NLRP5: variants seen among roughly 807,000 people sequenced by gnomAD.
NLRP5 encodes the protein NLR family pyrin domain containing 5.
NLRP5 carries 93 observed loss-of-function variants against 113.1 expected under a neutral mutation model. The ratio of observed to expected loss-of-function variants is 0.82; its 90% confidence interval spans 0.70 to 0.98. The LOEUF (loss-of-function observed/expected upper bound fraction) is 0.98, where lower values mean the gene tolerates loss of function less well. NLRP5 is among the 50% of genes least tolerant of loss of function. The pLI is 0.00. For missense variants in NLRP5, 1,808 were observed against 1,514.3 expected, an observed-to-expected ratio of 1.19 and a Z score of -3.22; for synonymous variants, 751 against 600.7, an observed-to-expected ratio of 1.25 and a Z score of -3.66.
the NLRP5 span, among the ~76,000 whole-genome samples, chr19:55,987,199 A>G: frequency 6.6e-6 from 1 of 151,968 alleles, no homozygotes; most frequent in African/African-American, 2.4e-5. Context: ...TGAAATCCTC[A>G]TCTCTAATAA....
At chr19:56,006,804 A>G (rs192894112) in intron 2 of NLRP5, among the ~76,000 whole-genome samples, 10 of 151,734 alleles carry the variant, frequency 6.6e-5, no homozygotes, top group Admixed American at 1.3e-4. Flanking sequence ...CAGTGGCGCA[A>G]TCTCGGCTCA....
intron 14 of NLRP5, among the ~76,000 whole-genome samples, chr19:56,060,760 A>G (rs764240694): frequency 6.6e-6 from 1 of 152,080 alleles, no homozygotes; most frequent in East Asian, 1.9e-4. Context: ...TATAGGGAAC[A>G]TGCTACTGTT....
At chr19:56,025,386 T>TTCTCTCTCTCTC (rs3055366) in intron 6 of NLRP5, among the ~76,000 whole-genome samples, 25 of 146,564 alleles carry the variant, frequency 1.7e-4, no homozygotes, top group African/African-American at 5.0e-4. Context: ...ACGTGCTCCG[T>TTCTCTCTCTCTC]TCTCTCTCTC....
chr19:55,988,130 C>T, the NLRP5 span: 8 of 431,064 alleles, frequency 1.9e-5, no homozygotes, highest in Non-Finnish European at 2.1e-5. Context: ...TGGTGGCTCA[C>T]GCCTGTAACC....
chr19:56,055,674 T>C (rs549046837), intron 13 of NLRP5, among the ~76,000 whole-genome samples: 1 of 150,428 alleles, frequency 6.6e-6, no homozygotes, highest in South Asian at 2.1e-4. Flanking sequence ...GCCTCCCAAG[T>C]AGCTGGGACT....
chr19:55,995,042 A>G (rs2123252548), upstream of NLRP5, among the ~76,000 whole-genome samples: 1 of 152,296 alleles, frequency 6.6e-6, no homozygotes, highest in African/African-American at 2.4e-5. Flanking sequence ...GAGTTGGATG[A>G]GTTCATGCTC....
chr19:56,024,712 C>G (rs182906593), intron 6 of NLRP5, among the ~76,000 whole-genome samples: 342 of 151,508 alleles, frequency 2.3e-3, no homozygotes, highest in African/African-American at 8.0e-3. Context: ...GAGCCAAGAT[C>G]ACGCTGCTGC....
At chr19:56,006,878 T>C (rs1465472202) in intron 2 of NLRP5, among the ~76,000 whole-genome samples, 1 of 151,542 alleles carries the variant, frequency 6.6e-6, no homozygotes, top group Non-Finnish European at 1.5e-5. Context: ...TAGCTGAGAC[T>C]ACAGGTGCCC....
intron 11 of NLRP5, among the ~76,000 whole-genome samples, chr19:56,046,939 G>T (rs1396042965): frequency 6.6e-6 from 1 of 152,150 alleles, no homozygotes; most frequent in African/African-American, 2.4e-5. Context: ...TTACTGGTCT[G>T]TTCAGGATAT....
At chr19:56,013,806 TAATG>T (rs1475280160) in intron 3 of NLRP5, among the ~76,000 whole-genome samples, 2 of 152,182 alleles carry the variant, frequency 1.3e-5, no homozygotes, top group Non-Finnish European at 2.9e-5. Context: ...ACCAACACCT[TAATG>T]AAAGCTACAG....
At chr19:56,037,835 A>C (rs912869775) in intron 9 of NLRP5, among the ~76,000 whole-genome samples, 190 bp from the exon 10 acceptor site, 1 of 152,108 alleles carries the variant, frequency 6.6e-6, no homozygotes, top group Non-Finnish European at 1.5e-5. Flanking sequence ...CGTGAACCCC[A>C]TGAAAACCTG....
intron 14 of NLRP5, among the ~76,000 whole-genome samples, chr19:56,059,935 A>G (rs182952185): frequency 6.6e-6 from 1 of 152,314 alleles, no homozygotes; most frequent in East Asian, 1.9e-4. Context: ...GTTATGGCAC[A>G]TGGGTATAAC....
intron 2 of NLRP5, among the ~76,000 whole-genome samples, chr19:56,004,742 T>G (rs536491395): frequency 6.6e-6 from 1 of 152,000 alleles, no homozygotes; most frequent in Non-Finnish European, 1.5e-5. Context: ...CTAGAGAATC[T>G]CTCCAACTGT....
At chr19:55,995,772 G>A (rs1337222924), upstream of NLRP5, among the ~76,000 whole-genome samples, 5 of 151,818 alleles carry the variant, frequency 3.3e-5, no homozygotes, top group Admixed American at 6.6e-5. Flanking sequence ...GTATTCTGTG[G>A]GTTTTACTAT....
chr19:56,043,542 CTTTTTTT>C (rs369622191), intron 11 of NLRP5, among the ~76,000 whole-genome samples: 22 of 92,886 alleles, frequency 2.4e-4, no homozygotes, highest in East Asian at 9.5e-4. Context: ...CTCTGCTATT[CTTTTTTT>C]TTTTTTTTTT....
chr19:56,026,276 C>G (rs12976763), intron 6 of NLRP5, among the ~76,000 whole-genome samples: 83,485 of 151,444 alleles, frequency 0.55, 23,259 homozygotes, highest in East Asian at 0.61. Flanking sequence ...TGCCTGTAAT[C>G]CCAGCACTTT....
At position 56,040,667 on chromosome 19, in the gene NLRP5, A is replaced by G. The variant is rs1197605646; in HGVS notation, c.2787-255A>G. ...ATGTGGGGACTGGAAATGGCTGAGC[A>G]GTGATTGTTGCCCAGCCATTCCCCA... On this transcript the variant is annotated intron_variant, in intron 10 of 14. Coordinates refer to ENST00000390649, the MANE Select transcript of NLRP5 (RefSeq NM_153447.4). 2.0e-5 allele frequency among the ~76,000 whole-genome samples: 3 copies of G among 152,256 alleles called. No individual in the cohort carries two copies. In the South Asian group the frequency reaches 6.2e-4, roughly 32 times the overall value.
the NLRP5 span, chr19:55,987,925 A>G: frequency 1.3e-6 from 2 of 1,590,378 alleles, no homozygotes; most frequent in South Asian, 1.1e-5. Context: ...CCGTCCAGTC[A>G]TCTTTCTCTG....
Position 56,010,742 on chromosome 19 carries a change from C to CAAAAAAAAAAAAAAAAAAA in NLRP5, c.508+1902_508+1903insAAAAAAAAAAAAAAAAAAA, listed in dbSNP as rs1412317286. On this transcript the variant is annotated intron_variant, in intron 3 of 14. Transcript: ENST00000390649. ...GGGAAACAAGAGCTTAACTCTGTCT[C>CAAAAAAAAAAAAAAAAAAA]AAAAAAAAAAAAAGTCCCTTGAAAC... Among the ~76,000 whole-genome samples, 205 of 41,204 alleles carry CAAAAAAAAAAAAAAAAAAA rather than the reference C, an allele frequency of 5.0e-3. 34 individuals carry two copies. The highest frequency in any genetic ancestry group is 0.011 in the African/African-American group (106 of 9,588). The allele number at this position is 41,204 out of a possible 152,430, so 27.0% of individuals were successfully genotyped here. A position where few individuals can be genotyped will look rare whatever the true frequency, so the allele number is the denominator to read the frequency against.
Sources: gnomAD v4.1 joint callset for allele counts (sites outside exome capture counted in the v4.1 genomes callset) on GRCh38, gnomAD v4.1.1 for gene constraint, MANE v1.5 for transcripts, NCBI Gene and HGNC (gene_info 2026-07-23, HGNC 2026-07-21) for gene names.